Variants in NECTIN3 observed in about 807,000 individuals in gnomAD.
The protein encoded by NECTIN3 is nectin cell adhesion molecule 3.
Under a neutral mutation model 49.4 loss-of-function variants are expected in NECTIN3, and 8 were observed. The observed-to-expected ratio is 0.16, with a 90% CI of 0.10 to 0.29. NECTIN3 has a LOEUF of 0.29. Ranked by LOEUF, NECTIN3 falls within the 10% of genes least tolerant of loss-of-function variation. NECTIN3 has a pLI of 1.00. For missense variants in NECTIN3, 581 were observed against 654.6 expected (o/e 0.89, Z 1.23); for synonymous variants, 277 against 241.1 (o/e 1.15, Z -1.38).
chr3:111,150,173 C>T (rs1182580998), intron 7 of NECTIN3, among the ~76,000 whole-genome samples: 1 of 151,932 alleles, frequency 6.6e-6, no homozygotes, highest in Non-Finnish European at 1.5e-5. Context: ...TTATTTGACT[C>T]TACTGAGAAT....
intron 3 of NECTIN3, 37 bp from the exon 4 acceptor site, chr3:111,122,083 CA>C (rs1300076783): frequency 7.5e-7 from 1 of 1,337,024 alleles, no homozygotes; most frequent in Non-Finnish European, 1.1e-6. Flanking sequence ...TTATCATTAA[CA>C]AAAGGTAATC....
chr3:111,126,101 A>T, intron 4 of NECTIN3, 83 bp from the exon 5 acceptor site: 1 of 965,530 alleles, frequency 1.0e-6, no homozygotes, highest in Non-Finnish European at 1.4e-6. Context: ...AACATCTCAA[A>T]CATATAATGC....
intron 1 of NECTIN3, chr3:111,192,530 C>G: frequency 9.6e-7 from 1 of 1,039,110 alleles, no homozygotes. Flanking sequence ...ATTTGAGTGT[C>G]TCTGCTAAGA....
At chr3:111,145,619 G>T (rs1463256920) in intron 6 of NECTIN3, among the ~76,000 whole-genome samples, 1 of 152,154 alleles carries the variant, frequency 6.6e-6, no homozygotes, top group East Asian at 1.9e-4. Flanking sequence ...CAGATGACCA[G>T]TGTCTCAGTT....
intron 1 of NECTIN3, among the ~76,000 whole-genome samples, chr3:111,082,358 A>C (rs1156566082): frequency 1.3e-5 from 2 of 152,122 alleles, no homozygotes; most frequent in African/African-American, 4.8e-5. Context: ...GAGCTGTTTC[A>C]GAGAGAAAAG....
chr3:111,088,867 T>C (rs1321169651), intron 1 of NECTIN3, among the ~76,000 whole-genome samples: 6 of 152,166 alleles, frequency 3.9e-5, no homozygotes, highest in Non-Finnish European at 7.4e-5. Context: ...TGTTCATCTT[T>C]TTTTTGGTCT....
chr3:111,166,061 T>C (rs1175014811), intron 7 of NECTIN3, among the ~76,000 whole-genome samples: 1 of 152,202 alleles, frequency 6.6e-6, no homozygotes, highest in Non-Finnish European at 1.5e-5. Context: ...AGTTGATTGC[T>C]ACATGCCCGA....
chr3:111,155,575 A>G (rs963876808), intron 7 of NECTIN3, among the ~76,000 whole-genome samples: 7 of 152,224 alleles, frequency 4.6e-5, no homozygotes, highest in Non-Finnish European at 8.8e-5. Flanking sequence ...TTTAGAACAA[A>G]GCAACTAAAT....
intron 2 of NECTIN3, among the ~76,000 whole-genome samples, chr3:111,114,784 G>A (rs2033619346): frequency 1.3e-5 from 2 of 152,104 alleles, no homozygotes; most frequent in Non-Finnish European, 2.9e-5. Flanking sequence ...AGAGCTGTGT[G>A]GGTCCCTTTA....
chr3:111,157,780 G>A (rs957789936), intron 7 of NECTIN3, among the ~76,000 whole-genome samples: 2 of 151,998 alleles, frequency 1.3e-5, no homozygotes, highest in African/African-American at 4.8e-5. Context: ...TCTACATCTT[G>A]ACTCCTTTTT....
intron 7 of NECTIN3, among the ~76,000 whole-genome samples, chr3:111,180,852 A>C (rs961881311): frequency 6.6e-6 from 1 of 152,206 alleles, no homozygotes; most frequent in Non-Finnish European, 1.5e-5. Context: ...ATTCCAGACT[A>C]TGTCAATGAC....
intron 1 of NECTIN3, among the ~76,000 whole-genome samples, chr3:111,090,364 G>T (rs2032190571): frequency 6.6e-6 from 1 of 151,814 alleles, no homozygotes; most frequent in Admixed American, 6.6e-5. Flanking sequence ...CCTATTGTTA[G>T]ATTGCTGGTG....
chr3:111,169,079 CTTTTTTTT>C (rs142606359), intron 7 of NECTIN3, among the ~76,000 whole-genome samples: 50 of 104,124 alleles, frequency 4.8e-4, no homozygotes, highest in African/African-American at 1.9e-3. Flanking sequence ...ACTATTCAAA[CTTTTTTTT>C]TTTTTTTTTT....
chr3:111,132,658 T>G (rs2034435298), intron 5 of NECTIN3, among the ~76,000 whole-genome samples: 1 of 151,984 alleles, frequency 6.6e-6, no homozygotes, highest in Non-Finnish European at 1.5e-5. Flanking sequence ...TTAATATTAC[T>G]GGCTATTTAC....
At chr3:111,077,118 A>C in intron 1 of NECTIN3, 1 of 337,100 alleles carries the variant, frequency 3.0e-6, no homozygotes, top group South Asian at 2.6e-5. Context: ...GCCATATCGC[A>C]GGTATTATAG....
intron 1 of NECTIN3, among the ~76,000 whole-genome samples, chr3:111,085,104 G>A (rs1033083028): frequency 6.6e-6 from 1 of 152,166 alleles, no homozygotes; most frequent in African/African-American, 2.4e-5. Context: ...CGTTTTCCCT[G>A]TATGTCTCAA....
At chr3:111,074,184 C>T in intron 1 of NECTIN3, 1 of 453,388 alleles carries the variant, frequency 2.2e-6, no homozygotes, top group Non-Finnish European at 4.4e-6. Context: ...GGAATTAAGT[C>T]TTTGAATAGG....
intron 7 of NECTIN3, among the ~76,000 whole-genome samples, chr3:111,175,201 T>C (rs184678837): frequency 6.6e-5 from 10 of 151,712 alleles, no homozygotes; most frequent in African/African-American, 2.4e-4. Context: ...TCCCCTCCTC[T>C]CCTTGCCTGC....
At chr3:111,160,066 T>C (rs1236582899) in intron 7 of NECTIN3, among the ~76,000 whole-genome samples, 1 of 152,228 alleles carries the variant, frequency 6.6e-6, no homozygotes, top group Non-Finnish European at 1.5e-5. Flanking sequence ...CACTGGTCCC[T>C]CTATTTCATT....
Sources: gnomAD v4.1 joint callset for allele counts (sites outside exome capture counted in the v4.1 genomes callset) on GRCh38, gnomAD v4.1.1 for gene constraint, MANE v1.5 for transcripts, NCBI Gene and HGNC (gene_info 2026-07-23, HGNC 2026-07-21) for gene names.